IL34: variants seen among roughly 807,000 people sequenced by gnomAD.
IL34 encodes interleukin 34, also known as interleukin-34.
Under a neutral mutation model 25.3 loss-of-function variants are expected in IL34, and 17 were observed. That is an observed-to-expected ratio of 0.67 (90% CI 0.46 to 1.01). IL34 has a LOEUF of 1.01. Among genes scored for constraint, IL34 ranks in the 50% least tolerant of loss-of-function variants. The pLI is 0.00. For missense variants in IL34, 368 were observed against 312.9 expected, an observed-to-expected ratio of 1.18 and a Z score of -1.33; for synonymous variants, 174 against 140.9, an observed-to-expected ratio of 1.23 and a Z score of -1.66.
intron 1 of IL34, among the ~76,000 whole-genome samples, chr16:70,595,151 G>C (rs778147033): frequency 6.6e-6 from 1 of 152,074 alleles, no homozygotes; most frequent in Middle Eastern, 3.4e-3. Flanking sequence ...AGTAGAGATG[G>C]GGTTTTGCCA....
chr16:70,593,996 G>C (rs975868601), intron 1 of IL34, among the ~76,000 whole-genome samples: 2 of 152,122 alleles, frequency 1.3e-5, no homozygotes, highest in African/African-American at 4.8e-5. Flanking sequence ...CTATTTGTCT[G>C]TTCTTTCACC....
At chr16:70,606,762 A>AT (rs2051011846) in intron 1 of IL34, among the ~76,000 whole-genome samples, 1 of 151,822 alleles carries the variant, frequency 6.6e-6, no homozygotes, top group Non-Finnish European at 1.5e-5. Context: ...TAATTTTTGT[A>AT]TTTTTTGTAG....
At chr16:70,646,038 G>C (rs2051918722), upstream of IL34, among the ~76,000 whole-genome samples, 1 of 151,990 alleles carries the variant, frequency 6.6e-6, no homozygotes, top group Admixed American at 6.6e-5. Context: ...GGATGACAGA[G>C]TCTGAGACTC....
chr16:70,620,556 G>A (rs1444690120), intron 1 of IL34, among the ~76,000 whole-genome samples: 2 of 152,114 alleles, frequency 1.3e-5, no homozygotes, highest in African/African-American at 4.8e-5. Flanking sequence ...AGATTAGAAA[G>A]ACTCAGCGAC....
At chr16:70,651,764 A>G (rs79139752) in intron 1 of IL34, among the ~76,000 whole-genome samples, 17 of 41,700 alleles carry the variant, frequency 4.1e-4, no homozygotes, top group African/African-American at 8.4e-4. Flanking sequence ...TGCTTTTGTA[A>G]AAAAAAAAAA....
Position 70,660,074 on chromosome 16 carries a change from C to T in IL34, c.616C>T (p.Gln206Ter). ...PQSCSPEPSL[Q>*]YAATQLYPPP... ...GTCTTGCAGCCCAGAGCCCTCATTG[C>T]AGTATGCGGCCACCCAGCTGTACCC... The change falls in exon 6 of 6, where the codon CAG becomes TAG. Residue 206 changes from glutamine to a stop codon, truncating the protein, a stop_gained. Transcript: ENST00000288098. LOFTEE classifies it low-confidence loss of function (END_TRUNC). 9 of 1,613,714 alleles carry T rather than the reference C, an allele frequency of 5.6e-6. No individual in the cohort carries two copies. Among genetic ancestry groups the T allele is most frequent in the South Asian group, 1.1e-5 (1 of 91,066 alleles).
At chr16:70,610,934 C>G (rs1250762223) in intron 1 of IL34, among the ~76,000 whole-genome samples, 2 of 151,720 alleles carry the variant, frequency 1.3e-5, no homozygotes, top group African/African-American at 4.8e-5. Flanking sequence ...CTTTCCCCCC[C>G]TTCCATCCTT....
At chr16:70,617,091 T>G (rs918714986) in intron 1 of IL34, among the ~76,000 whole-genome samples, 1 of 151,762 alleles carries the variant, frequency 6.6e-6, no homozygotes, top group Non-Finnish European at 1.5e-5. Flanking sequence ...GAAGGAAGAT[T>G]TTGTGGTAAG....
rs889733429 is a variant in IL34, at chr16:70,660,105, C to G, written c.647C>G (p.Pro216Arg). ...GCGGCCACCCAGCTGTACCCTCCGC[C>G]CCCGTGGTCCCCCAGCTCCCCGCCT... ...QYAATQLYPP[P>R]PWSPSSPPHS... The change falls in exon 6 of 6, where the codon CCC becomes CGC. Residue 216 changes from proline (P) to arginine (R), a missense_variant. Physicochemically the swap from Pro to Arg is moderately radical, Grantham distance 103. Transcript: ENST00000288098. 1.4e-5 allele frequency: 22 copies of G among 1,613,346 alleles called. No homozygotes were observed. In the African/African-American group the frequency reaches 2.8e-4, roughly 21 times the overall value.
chr16:70,605,969 G>GTTTTTTTTTTT (rs77101515), intron 1 of IL34, among the ~76,000 whole-genome samples: 1 of 123,224 alleles, frequency 8.1e-6, no homozygotes, highest in African/African-American at 3.1e-5. Context: ...ACCGCACCTG[G>GTTTTTTTTTTT]TTTTTTTTTT....
chr16:70,600,464 G>C (rs1432929374), intron 1 of IL34, among the ~76,000 whole-genome samples: 1 of 152,186 alleles, frequency 6.6e-6, no homozygotes, highest in East Asian at 1.9e-4. Context: ...AACATTGACA[G>C]AACACAGCGC....
intron 1 of IL34, among the ~76,000 whole-genome samples, chr16:70,600,219 C>A (rs896977496): frequency 6.6e-6 from 1 of 152,064 alleles, no homozygotes; most frequent in Non-Finnish European, 1.5e-5. Flanking sequence ...AAGTCTCTAC[C>A]CCTCTCTACC....
At chr16:70,644,731 GGAAGAGGAAGAGGAGGAGGGA>G (rs1394411860), upstream of IL34, among the ~76,000 whole-genome samples, 8 of 140,278 alleles carry the variant, frequency 5.7e-5, no homozygotes, top group Admixed American at 5.7e-4. Context: ...AGGGGGAGGG[GGAAGAGGAAGAGGAGGAGGGA>G]GGAGGGAGGA....
intron 2 of IL34, among the ~76,000 whole-genome samples, chr16:70,655,058 C>CT (rs201599880): frequency 0.1 from 15,229 of 145,648 alleles, 1,713 homozygotes; most frequent in African/African-American, 0.26. Flanking sequence ...CTCTATGTAT[C>CT]TTTTTTTTTT....
chr16:70,614,435 C>T (rs2051143607), intron 1 of IL34, among the ~76,000 whole-genome samples: 1 of 152,168 alleles, frequency 6.6e-6, no homozygotes, highest in African/African-American at 2.4e-5. Flanking sequence ...GGCCTGGAGC[C>T]TGTGTTTTTT....
chr16:70,626,374 C>T (rs535119105), intron 1 of IL34, among the ~76,000 whole-genome samples: 15 of 152,096 alleles, frequency 9.9e-5, no homozygotes, highest in South Asian at 8.3e-4. Flanking sequence ...TAAGAAAACA[C>T]GATGTGTGTG....
At chr16:70,628,246 A>G (rs1302549690) in intron 1 of IL34, among the ~76,000 whole-genome samples, 2 of 152,318 alleles carry the variant, frequency 1.3e-5, no homozygotes, top group Middle Eastern at 3.4e-3. Flanking sequence ...AAATTTATAC[A>G]TTAACTTCAG....
rs2052336976 is a variant in IL34 at position 70,659,712 on chromosome 16, A to G, written c.497A>G (p.Asp166Gly). The change falls in exon 5 of 6, where the codon GAC becomes GGC. Residue 166 changes from aspartate to glycine, a missense_variant. Coordinates refer to ENST00000288098, the MANE Select transcript of IL34 (RefSeq NM_001393494.1). ...CTGGTGCGGCCCAAAGCCCTGCTGG[A>G]CAACTGCTTCCGGGTCATGGAGCTG... ...LKLVRPKALL[D>G]NCFRVMELLY... 1 of 1,610,302 alleles carries G rather than the reference A, an allele frequency of 6.2e-7. No homozygotes were observed. Among genetic ancestry groups the G allele is most frequent in the African/African-American group, 1.3e-5 (1 of 74,992 alleles).
At chr16:70,620,109 C>G (rs547687078) in intron 1 of IL34, among the ~76,000 whole-genome samples, 6 of 152,214 alleles carry the variant, frequency 3.9e-5, no homozygotes, top group Non-Finnish European at 7.4e-5. Context: ...TGTGGGGTTT[C>G]AGGGCTGGAA....
Sources: allele counts gnomAD v4.1 joint callset (sites outside exome capture counted in the v4.1 genomes callset), GRCh38; gene constraint gnomAD v4.1.1; transcripts MANE v1.5; gene names NCBI Gene and HGNC (gene_info 2026-07-23, HGNC 2026-07-21).